FBXO4: variants seen among roughly 807,000 people sequenced by gnomAD.
FBXO4 encodes F-box protein 4.
A neutral mutation model predicts 43.7 loss-of-function variants in FBXO4; 36 were observed. The ratio of observed to expected loss-of-function variants is 0.82; its 90% CI spans 0.63 to 1.09. The LOEUF (loss-of-function observed/expected upper bound fraction) is 1.09, where lower values mean the gene tolerates loss of function less well. FBXO4 is among the 50% of genes least tolerant of loss of function. The pLI, the probability that FBXO4 is intolerant of heterozygous loss-of-function variation, is 0.00. For missense variants in FBXO4, 435 were observed against 474.1 expected, an observed-to-expected ratio of 0.92 and a Z score of 0.77; for synonymous variants, 180 against 165.6, an observed-to-expected ratio of 1.09 and a Z score of -0.67.
chr5:41,942,800 A>T (rs1752024493), downstream of FBXO4, among the ~76,000 whole-genome samples: 1 of 152,080 alleles, frequency 6.6e-6, no homozygotes, highest in Admixed American at 6.6e-5. Context: ...ATGAGATATA[A>T]TTTATTATAT....
At chr5:41,930,958 G>C (rs979988298) in intron 3 of FBXO4, among the ~76,000 whole-genome samples, 11 of 152,194 alleles carry the variant, frequency 7.2e-5, no homozygotes, top group Admixed American at 3.3e-4. Flanking sequence ...GCCCGGCGGA[G>C]AACTACATTT....
Position 41,925,384 on chromosome 5 carries a change from G to T in FBXO4, c.75G>T (p.Ala25=), listed in dbSNP as rs1352131700. The change falls in exon 1 of 7, where the codon GCG becomes GCT. Residue 25 remains alanine (A), a synonymous_variant. Coordinates refer to ENST00000281623, the MANE Select transcript of FBXO4 (RefSeq NM_012176.3). ...TCAGCGACTGGGGCCGCCTGGAGGC[G>T]GCCATCCTCAGCGGCTGGAAGACCT... The part of the protein sequence containing the change: ...PPFSDWGRLE[A]AILSGWKTFW... 7 of 1,384,982 alleles carry T rather than the reference G, an allele frequency of 5.1e-6. No individual in the cohort carries two copies. The highest frequency in any genetic ancestry group is 5.6e-6 in the Non-Finnish European group (6 of 1,065,800). The allele number at this position is 1,384,982 out of a possible 1,614,324, so 85.8% of individuals were successfully genotyped here.
chr5:42,038,087 G>A, the FBXO4 span, among the ~76,000 whole-genome samples: 2 of 152,098 alleles, frequency 1.3e-5, no homozygotes, highest in Non-Finnish European at 2.9e-5. Context: ...CGTTAAAAGA[G>A]AGTGTTGTGA....
intron 6 of FBXO4, among the ~76,000 whole-genome samples, chr5:41,940,509 G>A (rs1016047731): frequency 4.6e-5 from 7 of 152,102 alleles, no homozygotes; most frequent in African/African-American, 1.4e-4. Context: ...TGATCCACCC[G>A]CCATGGCTTC....
At chr5:42,014,415 T>C in the FBXO4 span, among the ~76,000 whole-genome samples, 1 of 152,162 alleles carries the variant, frequency 6.6e-6, no homozygotes, top group Non-Finnish European at 1.5e-5. Context: ...AACTCCGCTC[T>C]TTCACTGTGC....
At chr5:42,016,424 T>G in the FBXO4 span, among the ~76,000 whole-genome samples, 2 of 151,902 alleles carry the variant, frequency 1.3e-5, no homozygotes, top group South Asian at 4.1e-4. Context: ...TCAATAACCA[T>G]TCTGCCACCA....
the FBXO4 span, among the ~76,000 whole-genome samples, chr5:41,989,748 A>AT: frequency 1.3e-5 from 2 of 152,146 alleles, no homozygotes; most frequent in Non-Finnish European, 2.9e-5. Flanking sequence ...ATAGCTCCCC[A>AT]TTGCTTCCCC....
chr5:41,974,660 C>A, the FBXO4 span, among the ~76,000 whole-genome samples: 1 of 152,138 alleles, frequency 6.6e-6, no homozygotes, highest in East Asian at 1.9e-4. Flanking sequence ...CCTGATCCTG[C>A]ATGTTGTTCA....
intron 5 of FBXO4, chr5:41,934,938 T>TGGG: frequency 1.0e-6 from 1 of 965,278 alleles, no homozygotes; most frequent in Non-Finnish European, 1.2e-6. Flanking sequence ...AAATACATAA[T>TGGG]ATATTGTATA....
the FBXO4 span, among the ~76,000 whole-genome samples, chr5:41,955,709 G>A: frequency 6.6e-6 from 1 of 152,158 alleles, no homozygotes; most frequent in African/African-American, 2.4e-5. Flanking sequence ...GAGATCTTCA[G>A]AGTCTCCCTT....
the FBXO4 span, among the ~76,000 whole-genome samples, chr5:42,004,634 T>C: frequency 3.3e-5 from 5 of 152,194 alleles, no homozygotes; most frequent in African/African-American, 1.2e-4. Context: ...CTCTCTGACA[T>C]ATAGGCTGTC....
the FBXO4 span, among the ~76,000 whole-genome samples, chr5:42,033,384 T>C: frequency 2.0e-5 from 3 of 152,144 alleles, no homozygotes; most frequent in African/African-American, 2.4e-5. Context: ...GTGATGTTTT[T>C]TTAAAATTTT....
chr5:42,024,142 T>C, the FBXO4 span, among the ~76,000 whole-genome samples: 3 of 152,098 alleles, frequency 2.0e-5, no homozygotes, highest in South Asian at 2.1e-4. Flanking sequence ...TCTGAGCTCA[T>C]TGTATTTATT....
the FBXO4 span, among the ~76,000 whole-genome samples, chr5:42,029,978 C>G: frequency 6.6e-6 from 1 of 152,030 alleles, no homozygotes; most frequent in Non-Finnish European, 1.5e-5. Context: ...AATGGAAGAA[C>G]ATTCCATGCT....
At chr5:41,926,221 A>G (rs919431670) in intron 1 of FBXO4, among the ~76,000 whole-genome samples, 1 of 152,232 alleles carries the variant, frequency 6.6e-6, no homozygotes, top group Non-Finnish European at 1.5e-5. Flanking sequence ...AATGCCTCCA[A>G]GTTTCTCCTT....
chr5:42,031,516 G>A, the FBXO4 span, among the ~76,000 whole-genome samples: 5 of 150,962 alleles, frequency 3.3e-5, no homozygotes, highest in Admixed American at 3.3e-4. Flanking sequence ...GCTAAATGAC[G>A]AGTTAATGGG....
the FBXO4 span, among the ~76,000 whole-genome samples, chr5:42,001,261 G>T: frequency 1.3e-5 from 2 of 151,988 alleles, no homozygotes; most frequent in Non-Finnish European, 2.9e-5. Context: ...ACGGAGTCTT[G>T]CTCTGTCACC....
At chr5:42,004,014 G>A in the FBXO4 span, among the ~76,000 whole-genome samples, 1 of 152,084 alleles carries the variant, frequency 6.6e-6, no homozygotes, top group Non-Finnish European at 1.5e-5. Flanking sequence ...AGAAAATGTG[G>A]CACATATACA....
At chr5:41,960,397 G>A in the FBXO4 span, among the ~76,000 whole-genome samples, 1 of 152,030 alleles carries the variant, frequency 6.6e-6, no homozygotes, top group Admixed American at 6.6e-5. Context: ...TTGAACAGAA[G>A]TGTCAATAAT....
Sources: gnomAD v4.1 joint callset for allele counts (sites outside exome capture counted in the v4.1 genomes callset) on GRCh38, gnomAD v4.1.1 for gene constraint, MANE v1.5 for transcripts, NCBI Gene and HGNC (gene_info 2026-07-23, HGNC 2026-07-21) for gene names.